Variants in PPM1D observed in about 807,000 individuals in gnomAD.
PPM1D encodes protein phosphatase, Mg2+/Mn2+ dependent 1D.
A neutral mutation model predicts 58.3 loss-of-function variants in PPM1D; 52 were observed. That is an observed-to-expected ratio of 0.89 (90% CI 0.71 to 1.12). PPM1D has a LOEUF of 1.12. Among genes scored for constraint, PPM1D ranks in the 50% most tolerant of loss-of-function variants. The pLI is 0.00. For synonymous variants in PPM1D, 278 were observed against 285.1 expected, an observed-to-expected ratio of 0.98 and a Z score of 0.25; for missense variants, 564 against 777.2, an observed-to-expected ratio of 0.73 and a Z score of 3.26.
In PPM1D at chr17:60,632,496, A is replaced by G. The variant is rs909375821; in HGVS notation, c.702-1357A>G. Among the ~76,000 whole-genome samples, 7 of 151,734 alleles carry G rather than the reference A, an allele frequency of 4.6e-5. No individual in the cohort carries two copies. The South Asian group carries it at 8.3e-4, about 18-fold the overall frequency. On this transcript the variant is annotated intron_variant, in intron 2 of 5. Coordinates refer to ENST00000305921, the MANE Select transcript of PPM1D (RefSeq NM_003620.4). ...GGAGGATCACTGCAGCCCAGGAGGA[A>G]GTCAAGCCTGCAGTGAACCATGAGT...
chr17:60,649,599 G>T (rs2031307676), intron 4 of PPM1D, among the ~76,000 whole-genome samples: 1 of 151,974 alleles, frequency 6.6e-6, no homozygotes, highest in African/African-American at 2.4e-5. Flanking sequence ...TGAGGCAGGA[G>T]AATCTCTTGA....
At chr17:60,611,608 G>A (rs1328001353) in intron 1 of PPM1D, among the ~76,000 whole-genome samples, 1 of 151,582 alleles carries the variant, frequency 6.6e-6, no homozygotes, top group Non-Finnish European at 1.5e-5. Flanking sequence ...TTGTAGAAAT[G>A]GGGTTTCACC....
intron 1 of PPM1D, among the ~76,000 whole-genome samples, chr17:60,615,470 A>G (rs183513167): frequency 2.0e-5 from 3 of 151,870 alleles, no homozygotes; most frequent in Admixed American, 2.0e-4. Context: ...CTGTCTTTTA[A>G]TGCACTTCTC....
At chr17:60,617,134 T>A (rs181259127) in intron 1 of PPM1D, among the ~76,000 whole-genome samples, 3,768 of 151,514 alleles carry the variant, frequency 0.025, 70 homozygotes, top group Middle Eastern at 0.054. Flanking sequence ...AAAAATTTTT[T>A]TTTTTTTTTT....
intron 1 of PPM1D, among the ~76,000 whole-genome samples, chr17:60,622,689 A>T (rs1335210097): frequency 6.6e-6 from 1 of 152,266 alleles, no homozygotes; most frequent in Non-Finnish European, 1.5e-5. Flanking sequence ...TAAGTTCGTC[A>T]CAAGCATTAT....
intron 4 of PPM1D, among the ~76,000 whole-genome samples, chr17:60,651,449 G>C (rs2031340786): frequency 6.6e-6 from 1 of 150,650 alleles, no homozygotes; most frequent in Non-Finnish European, 1.5e-5. Context: ...CCAGGCTGGA[G>C]TGCAGTGGCG....
intron 5 of PPM1D, among the ~76,000 whole-genome samples, chr17:60,658,999 ATAC>A (rs201106621): frequency 0.012 from 1,838 of 152,264 alleles, 19 homozygotes; most frequent in South Asian, 0.018. Flanking sequence ...TGACCTAATA[ATAC>A]TACTAAAGTA....
At chr17:60,632,414 A>G (rs2030940691) in intron 2 of PPM1D, among the ~76,000 whole-genome samples, 1 of 152,282 alleles carries the variant, frequency 6.6e-6, no homozygotes, top group Non-Finnish European at 1.5e-5. Context: ...ACTGCCAACA[A>G]TTAGCTGGGC....
chr17:60,661,059 CAA>C (rs1044355548), intron 5 of PPM1D, among the ~76,000 whole-genome samples: 1 of 145,098 alleles, frequency 6.9e-6, no homozygotes, highest in African/African-American at 2.5e-5. Context: ...ACTAAAAATA[CAA>C]AAAAAAAATT....
intron 1 of PPM1D, among the ~76,000 whole-genome samples, chr17:60,619,229 T>A (rs911345325): frequency 2.0e-5 from 3 of 152,098 alleles, no homozygotes; most frequent in African/African-American, 7.2e-5. Context: ...TTTTTTTTTT[T>A]ATGGCTGAAC....
At chr17:60,606,823 G>T (rs944109648) in intron 1 of PPM1D, among the ~76,000 whole-genome samples, 2 of 152,028 alleles carry the variant, frequency 1.3e-5, no homozygotes, top group East Asian at 1.9e-4. Flanking sequence ...GTGTGACAGG[G>T]TCTTGCTCTG....
At chr17:60,625,820 G>C (rs189373383) in intron 2 of PPM1D, among the ~76,000 whole-genome samples, 1 of 152,150 alleles carries the variant, frequency 6.6e-6, no homozygotes, top group East Asian at 1.9e-4. Context: ...TTATAAATGA[G>C]TGATGAGATT....
intron 1 of PPM1D, among the ~76,000 whole-genome samples, chr17:60,617,881 C>T (rs7223805): frequency 0.047 from 7,095 of 152,240 alleles, 589 homozygotes; most frequent in African/African-American, 0.16. Context: ...GTCTGCACTG[C>T]AGATATCTGT....
At chr17:60,617,154 G>A (rs2030601513) in intron 1 of PPM1D, among the ~76,000 whole-genome samples, 1 of 146,006 alleles carries the variant, frequency 6.8e-6, no homozygotes, top group Non-Finnish European at 1.5e-5. Context: ...TGTAGAGACA[G>A]AATGTGGCTG....
chr17:60,661,219 CAAAAAAAAAAAA>C (rs373913706), intron 5 of PPM1D, among the ~76,000 whole-genome samples: 2 of 48,960 alleles, frequency 4.1e-5, no homozygotes, highest in Non-Finnish European at 9.6e-5. Context: ...AACTCCATCT[CAAAAAAAAAAAA>C]AAAAAAAAAG....
intron 3 of PPM1D, among the ~76,000 whole-genome samples, chr17:60,645,932 C>T (rs1483048649): frequency 1.3e-5 from 2 of 151,848 alleles, no homozygotes; most frequent in Non-Finnish European, 2.9e-5. Context: ...TGCTTGAATC[C>T]AGGACTTGGA....
intron 4 of PPM1D, 71 bp from the exon 5 acceptor site, chr17:60,656,528 T>C: frequency 6.5e-7 from 1 of 1,538,100 alleles, no homozygotes; most frequent in Non-Finnish European, 8.8e-7. Context: ...AATATTTAAT[T>C]TGATATAGAT....
intron 1 of PPM1D, among the ~76,000 whole-genome samples, chr17:60,612,048 A>G (rs900096420): frequency 1.3e-5 from 2 of 151,844 alleles, no homozygotes; most frequent in African/African-American, 4.8e-5. Context: ...TATTTAAAAA[A>G]AGAAAACAGA....
At position 60,600,418 on chromosome 17, in the gene PPM1D, G is replaced by C; in HGVS notation, c.4G>C (p.Ala2Pro). The stretch of plus-strand genomic sequence containing the variant: ...GCGGGATCCCGGCCAGCCGGCCATG[G>C]CGGGGCTGTACTCGCTGGGAGTGAG... M[A>P]GLYSLGVSVF... The change falls in exon 1 of 6, where the codon GCG becomes CCG. Residue 2 changes from alanine to proline, a missense_variant. Physicochemically the swap from Ala to Pro is conservative, Grantham distance 27 (BLOSUM62 -1). Around this residue, in one of 7 missense-constraint regions of PPM1D, gnomAD observed 132 missense variants for 150.4 expected, o/e 0.88. Transcript: ENST00000305921. 1 of 1,547,896 alleles carries C rather than the reference G, an allele frequency of 6.5e-7. No individual in the cohort carries two copies. The highest frequency in any genetic ancestry group is 8.7e-7 in the Non-Finnish European group (1 of 1,146,540).
Sources: allele counts gnomAD v4.1 joint callset (sites outside exome capture counted in the v4.1 genomes callset), GRCh38; gene constraint gnomAD v4.1.1; regional missense constraint gnomAD v4.1.1; transcripts MANE v1.5; gene names NCBI Gene and HGNC (gene_info 2026-07-23, HGNC 2026-07-21).